The following TXNL4A variants were observed in gnomAD, a reference collection of about 807,000 sequenced individuals.
The protein encoded by TXNL4A is thioredoxin-like protein 4A.
Under a neutral mutation model 14.6 loss-of-function variants are expected in TXNL4A, and 17 were observed. The observed-to-expected ratio is 1.16, with a 90% CI of 0.80 to 1.74. The LOEUF (loss-of-function observed/expected upper bound fraction) is 1.74, where lower values mean the gene tolerates loss of function less well. TXNL4A is among the 40% of genes most tolerant of loss of function. The pLI, the probability that TXNL4A is intolerant of heterozygous loss-of-function variation, is 0.00. For missense variants in TXNL4A, 74 were observed against 195.2 expected, an observed-to-expected ratio of 0.38 and a Z score of 3.70; for synonymous variants, 83 against 70.6, an observed-to-expected ratio of 1.18 and a Z score of -0.88.
In TXNL4A at chr18:79,971,901, T is replaced by TA. The variant is rs1568357842; in HGVS notation, c.*1783dup. Reference sequence around the variant, plus strand: ...CAGGAGTGTAATACTGAGTGTCTGTTACATGCCAGGTACTCGAGGTCACAT... The same window carrying TA: ...CAGGAGTGTAATACTGAGTGTCTGTTAACATGCCAGGTACTCGAGGTCACAT... On this transcript the variant is annotated 3_prime_UTR_variant, in exon 3 of 3. Coordinates refer to ENST00000269601, the MANE Select transcript of TXNL4A (RefSeq NM_006701.5). 1 of 152,188 alleles carries TA rather than the reference T, an allele frequency of 6.6e-6. No homozygotes were observed. Among genetic ancestry groups the TA allele is most frequent in the African/African-American group, 2.4e-5 (1 of 41,434 alleles). 9.4% of individuals were successfully genotyped at this position (152,188 alleles called of 1,614,324 possible).
chr18:80,025,814 T>C (rs1047762718), intron 1 of TXNL4A, among the ~76,000 whole-genome samples: 2 of 152,200 alleles, frequency 1.3e-5, no homozygotes, highest in Non-Finnish European at 2.9e-5. Context: ...GGTCAGACCC[T>C]ATAACAGATT....
intron 1 of TXNL4A, among the ~76,000 whole-genome samples, chr18:80,004,251 G>C (rs1034748556): frequency 2.0e-5 from 3 of 152,204 alleles, no homozygotes; most frequent in Admixed American, 6.5e-5. Flanking sequence ...TTGCTTGCCA[G>C]GCGTTTGATG....
At chr18:79,998,120 C>G (rs932519682) in intron 1 of TXNL4A, among the ~76,000 whole-genome samples, 1 of 151,948 alleles carries the variant, frequency 6.6e-6, no homozygotes, top group Non-Finnish European at 1.5e-5. Flanking sequence ...GGTGAAACCC[C>G]CTCTGTACTA....
intron 1 of TXNL4A, chr18:80,030,418 C>T (rs1250030472): frequency 6.6e-6 from 1 of 152,218 alleles, no homozygotes; most frequent in African/African-American, 2.4e-5. Flanking sequence ...ACCTTCTTGC[C>T]ACTGCCACCC....
intron 1 of TXNL4A, among the ~76,000 whole-genome samples, chr18:79,998,307 G>C (rs1427874501): frequency 6.7e-6 from 1 of 149,496 alleles, no homozygotes; most frequent in African/African-American, 2.5e-5. Flanking sequence ...AAAAAAAAAA[G>C]AAAGAAACTG....
chr18:80,027,894 C>T (rs1211574856), intron 1 of TXNL4A, among the ~76,000 whole-genome samples: 2 of 152,164 alleles, frequency 1.3e-5, no homozygotes, highest in East Asian at 3.8e-4. Context: ...GACTAATAAA[C>T]AACTTAGAGG....
At position 80,018,993 on chromosome 18, in the gene TXNL4A, G is replaced by A. The variant is rs115837309; in HGVS notation, c.-61+14858C>T. 5.1e-3 allele frequency among the ~76,000 whole-genome samples: 780 copies of A among 152,202 alleles called. 10 individuals are homozygous for A. The highest frequency in any genetic ancestry group is 0.018 in the African/African-American group (736 of 41,502). On this transcript the variant is annotated intron_variant, in intron 1 of 2. Coordinates refer to the TXNL4A transcript ENST00000585474. ...CAGCTAGAATTTTATTGTCCATATC[G>A]CTATCAAAATGTTGGACAAAGCCAT...
At chr18:79,979,063 G>A (rs1002147542) in intron 1 of TXNL4A, among the ~76,000 whole-genome samples, 4 of 151,378 alleles carry the variant, frequency 2.6e-5, no homozygotes, top group East Asian at 2.0e-4. Flanking sequence ...TCAAACTCTC[G>A]TGTAGCTGGG....
chr18:79,975,676 G>C (rs887164872), intron 2 of TXNL4A, among the ~76,000 whole-genome samples: 6 of 152,248 alleles, frequency 3.9e-5, no homozygotes, highest in Non-Finnish European at 8.8e-5. Context: ...TTGGAAGGAA[G>C]TGAGGAGTGT....
chr18:80,014,929 G>T (rs2051796843), intron 1 of TXNL4A, among the ~76,000 whole-genome samples: 1 of 152,232 alleles, frequency 6.6e-6, no homozygotes, highest in Non-Finnish European at 1.5e-5. Context: ...TGCGGTCACA[G>T]GCTCAACACC....
chr18:80,030,734 G>A (rs903808152), intron 1 of TXNL4A, among the ~76,000 whole-genome samples: 13 of 152,326 alleles, frequency 8.5e-5, no homozygotes, highest in African/African-American at 3.1e-4. Context: ...AGGAGGCCGA[G>A]GTGGGTGGAT....
At chr18:80,028,207 G>C (rs976933190) in intron 1 of TXNL4A, among the ~76,000 whole-genome samples, 1 of 148,638 alleles carries the variant, frequency 6.7e-6, no homozygotes, top group African/African-American at 2.5e-5. Flanking sequence ...ACCTGGACCC[G>C]GTGGCTTGAG....
intron 1 of TXNL4A, chr18:79,986,834 T>C: frequency 1.1e-6 from 1 of 925,156 alleles, no homozygotes; most frequent in Non-Finnish European, 1.3e-6. Context: ...AAACTGCTCT[T>C]AGTCAATTCT....
chr18:80,017,608 G>A lies in TXNL4A; in HGVS notation c.-61+16243C>T, dbSNP rs1273649124. Among the ~76,000 whole-genome samples, 4 of 151,838 alleles carry A rather than the reference G, an allele frequency of 2.6e-5. No homozygotes were observed. In the South Asian group the frequency reaches 8.3e-4, roughly 32 times the overall value. ...ATTTTGTCAAAGGCCTTTTCTGCAT[G>A]TATTGAGATAATCATGTGGTTTTTG... On this transcript the variant is annotated intron_variant, in intron 1 of 2. Transcript: ENST00000585474.
intron 1 of TXNL4A, among the ~76,000 whole-genome samples, chr18:80,017,636 T>G (rs12955354): frequency 0.47 from 70,740 of 150,778 alleles, 17,157 homozygotes; most frequent in East Asian, 0.74. Context: ...GGTTTTTGTC[T>G]TTGGTTCTGT....
At chr18:79,990,700 T>A (rs1365581603), upstream of TXNL4A, among the ~76,000 whole-genome samples, 1 of 152,260 alleles carries the variant, frequency 6.6e-6, no homozygotes, top group Non-Finnish European at 1.5e-5. Flanking sequence ...AAACTCATTT[T>A]TTATTGTGTT....
At chr18:80,023,189 T>G (rs183823910) in intron 1 of TXNL4A, among the ~76,000 whole-genome samples, 18 of 152,334 alleles carry the variant, frequency 1.2e-4, no homozygotes, top group African/African-American at 4.3e-4. Context: ...ATTGAATGGC[T>G]GCCCTTCCTT....
chr18:80,012,323 C>G (rs775904251), intron 1 of TXNL4A, among the ~76,000 whole-genome samples: 1 of 152,106 alleles, frequency 6.6e-6, no homozygotes, highest in South Asian at 2.1e-4. Context: ...AGATAAGTGA[C>G]CTTCCGTTTT....
At chr18:79,991,107 CAA>C (rs34442066), upstream of TXNL4A, among the ~76,000 whole-genome samples, 31,698 of 92,336 alleles carry the variant, frequency 0.34, 3,685 homozygotes, top group Non-Finnish European at 0.43. Context: ...GACTCCGTCT[CAA>C]AAAAAAAAAA....
Sources: allele counts gnomAD v4.1 joint callset (sites outside exome capture counted in the v4.1 genomes callset), GRCh38; gene constraint gnomAD v4.1.1; transcripts MANE v1.5; gene names NCBI Gene and HGNC (gene_info 2026-07-23, HGNC 2026-07-21).